Variants in CAMK4 observed in about 807,000 individuals in gnomAD.
CAMK4 encodes calcium/calmodulin-dependent protein kinase type IV.
Under a neutral mutation model 44.9 loss-of-function variants are expected in CAMK4, and 22 were observed. That is an observed-to-expected ratio of 0.49 (90% CI 0.35 to 0.70). The LOEUF (loss-of-function observed/expected upper bound fraction) is 0.70, where lower values mean the gene tolerates loss of function less well. Ranked by LOEUF, CAMK4 falls within the 30% of genes least tolerant of loss-of-function variation. CAMK4 has a pLI of 0.01. For synonymous variants in CAMK4, 218 were observed against 215.4 expected (o/e 1.01, Z -0.11); for missense variants, 498 against 586.8 (o/e 0.85, Z 1.56).
intron 5 of CAMK4, among the ~76,000 whole-genome samples, chr5:111,421,068 C>A (rs1179502576): frequency 6.6e-6 from 1 of 152,174 alleles, no homozygotes; most frequent in Non-Finnish European, 1.5e-5. Flanking sequence ...TTAGAGATTG[C>A]AGTAAAGACA....
At chr5:111,318,399 T>G (rs1011631694) in intron 1 of CAMK4, among the ~76,000 whole-genome samples, 1 of 152,188 alleles carries the variant, frequency 6.6e-6, no homozygotes, top group African/African-American at 2.4e-5. Flanking sequence ...CATTCAATAC[T>G]GTTTATAAAG....
intron 1 of CAMK4, among the ~76,000 whole-genome samples, chr5:111,301,132 C>A (rs1226980111): frequency 2.0e-5 from 3 of 151,916 alleles, no homozygotes; most frequent in Non-Finnish European, 4.4e-5. Context: ...ATATGACCCC[C>A]CTCCTTAACG....
chr5:111,402,181 G>T (rs1326981373), intron 5 of CAMK4, among the ~76,000 whole-genome samples: 1 of 152,202 alleles, frequency 6.6e-6, no homozygotes. Context: ...TCTCCCTCAT[G>T]CCCTCTCGTG....
At chr5:111,232,896 C>A (rs1226427388) in intron 1 of CAMK4, among the ~76,000 whole-genome samples, 1 of 152,050 alleles carries the variant, frequency 6.6e-6, no homozygotes, top group Non-Finnish European at 1.5e-5. Flanking sequence ...GTATTTTAGG[C>A]TTGAAGGCCA....
At chr5:111,430,882 G>A (rs1171875035) in intron 5 of CAMK4, among the ~76,000 whole-genome samples, 1 of 151,742 alleles carries the variant, frequency 6.6e-6, no homozygotes, top group African/African-American at 2.4e-5. Flanking sequence ...ACTACCCAAG[G>A]CAATCTACAG....
chr5:111,257,253 C>T (rs1415851951), intron 1 of CAMK4, among the ~76,000 whole-genome samples: 1 of 152,186 alleles, frequency 6.6e-6, no homozygotes, highest in Non-Finnish European at 1.5e-5. Flanking sequence ...ATCTATCCAC[C>T]TGACAAAGGT....
chr5:111,250,935 G>A lies in CAMK4; in HGVS notation c.161+26291G>A, dbSNP rs73786856. The stretch of plus-strand genomic sequence containing the variant: ...CCTCCCAAAGCATTGGGATTACAGG[G>A]ACGAGCCACTGCACCCAGCCATTAT... On this transcript the variant is annotated intron_variant, in intron 1 of 10. Transcript: ENST00000282356. Among the ~76,000 whole-genome samples, 1,195 of 152,216 alleles carry A rather than the reference G, an allele frequency of 7.9e-3. 16 individuals carry two copies. The highest frequency in any genetic ancestry group is 0.028 in the African/African-American group (1,144 of 41,524).
At chr5:111,427,877 G>A (rs1267004779) in intron 5 of CAMK4, among the ~76,000 whole-genome samples, 1 of 152,232 alleles carries the variant, frequency 6.6e-6, no homozygotes, top group African/African-American at 2.4e-5. Context: ...AGAGCCCCAG[G>A]GCCTTGAGTG....
chr5:111,254,647 A>G (rs1729165646), intron 1 of CAMK4, among the ~76,000 whole-genome samples: 1 of 152,232 alleles, frequency 6.6e-6, no homozygotes, highest in Non-Finnish European at 1.5e-5. Flanking sequence ...CTTCCTGCAC[A>G]TCCCATCTAC....
At chr5:111,443,269 TATATATATATACACACACACAC>T (rs1369434390) in intron 5 of CAMK4, among the ~76,000 whole-genome samples, 18 of 51,204 alleles carry the variant, frequency 3.5e-4, no homozygotes, top group African/African-American at 1.3e-3. Context: ...TATATATATA[TATATATATATACACACACACAC>T]ACACACACAC....
chr5:111,346,540 A>G (rs566605231), intron 2 of CAMK4, among the ~76,000 whole-genome samples: 6 of 150,688 alleles, frequency 4.0e-5, no homozygotes, highest in African/African-American at 1.2e-4. Context: ...ATTTCCAACC[A>G]TCTTGTTTTT....
In CAMK4 at chr5:111,344,013, T is replaced by C; in HGVS notation, c.162-11T>C. The C allele has an allele frequency of 1.3e-6, 2 of 1,546,940 alleles. No homozygotes were observed. Among genetic ancestry groups the C allele is most frequent in the Non-Finnish European group, 8.9e-7 (1 of 1,127,354 alleles). Reference sequence around the variant, plus strand: ...GCATAACATTTTCTTTTTGTCTTTTTCCCCCTCAAGGGGTGCTACATCCAT... The same window carrying C: ...GCATAACATTTTCTTTTTGTCTTTTCCCCCCTCAAGGGGTGCTACATCCAT... On this transcript the variant is annotated splice_polypyrimidine_tract_variant and intron_variant, in intron 1 of 10. Coordinates refer to ENST00000282356, the MANE Select transcript of CAMK4 (RefSeq NM_001744.6).
intron 3 of CAMK4, among the ~76,000 whole-genome samples, chr5:111,375,817 C>T (rs1751193974): frequency 6.6e-6 from 1 of 152,070 alleles, no homozygotes; most frequent in Non-Finnish European, 1.5e-5. Context: ...TCATGCTTTT[C>T]CCTCCTGGGC....
intron 1 of CAMK4, among the ~76,000 whole-genome samples, chr5:111,309,500 C>T (rs1006698651): frequency 6.6e-6 from 1 of 152,128 alleles, no homozygotes; most frequent in Admixed American, 6.5e-5. Context: ...CATAAGGTCT[C>T]ACTAAAGCTG....
At chr5:111,308,173 C>T (rs1221102034) in intron 1 of CAMK4, among the ~76,000 whole-genome samples, 12 of 136,316 alleles carry the variant, frequency 8.8e-5, no homozygotes, top group East Asian at 6.3e-4. Flanking sequence ...GTGGGTGCAG[C>T]GCACCAGCAT....
chr5:111,309,011 A>G (rs980641938), intron 1 of CAMK4, among the ~76,000 whole-genome samples: 2 of 152,280 alleles, frequency 1.3e-5, no homozygotes, highest in East Asian at 1.9e-4. Context: ...GTGTCCAGGA[A>G]CTACAATCCG....
chr5:111,480,286 A>ACACACACC (rs1163614814), intron 9 of CAMK4, among the ~76,000 whole-genome samples: 16 of 148,994 alleles, frequency 1.1e-4, no homozygotes, highest in African/African-American at 3.8e-4. Flanking sequence ...ACACACACAC[A>ACACACACC]CACCCCTGGG....
In CAMK4 at chr5:111,224,604, G is replaced by T. The variant is rs991922432; in HGVS notation, c.121G>T (p.Ala41Ser). Residue 41 changes from alanine (A) to serine (S), a missense_variant, in exon 1 of 11, where the codon GCG (alanine) becomes TCG (serine). Coordinates refer to ENST00000282356, the MANE Select transcript of CAMK4 (RefSeq NM_001744.6). The surrounding 1 kb of genome is among the most constrained non-coding windows in gnomAD (Gnocchi z 5.7). ...CTGGATCGACGGCTCCAACAGGGAT[G>T]CGCTGAGCGATTTCTTCGAGGTGGA... is the stretch of plus-strand genomic sequence containing the variant. ...DYWIDGSNRD[A>S]LSDFFEVESE... 21 of 1,611,852 alleles carry T rather than the reference G, an allele frequency of 1.3e-5. No homozygotes were observed. The highest frequency in any genetic ancestry group is 1.8e-5 in the Non-Finnish European group (21 of 1,179,632).
chr5:111,323,863 T>G (rs1013179117), intron 1 of CAMK4, among the ~76,000 whole-genome samples: 1 of 152,006 alleles, frequency 6.6e-6, no homozygotes. Flanking sequence ...AGAGACACAT[T>G]TTTATTCTGC....
Sources: gnomAD v4.1 joint callset for allele counts (sites outside exome capture counted in the v4.1 genomes callset) on GRCh38, gnomAD v4.1.1 for gene constraint, Gnocchi (gnomAD v3.1) non-coding constraint, MANE v1.5 for transcripts, NCBI Gene and HGNC (gene_info 2026-07-23, HGNC 2026-07-21) for gene names.